Variants in GPR141 observed in about 807,000 individuals in gnomAD.
The protein encoded by GPR141 is probable G protein-coupled receptor 141.
GPR141 carries 6 observed loss-of-function variants against 6.8 expected under a neutral mutation model. That is an observed-to-expected ratio of 0.88 (90% CI 0.48 to 1.74). The LOEUF is 1.74. Ranked by LOEUF, GPR141 falls within the 40% of genes most tolerant of loss-of-function variation. GPR141 has a pLI of 0.01. For synonymous variants in GPR141, 140 were observed against 142.3 expected, an observed-to-expected ratio of 0.98 and a Z score of 0.11; for missense variants, 372 against 372.9, an observed-to-expected ratio of 1.00 and a Z score of 0.02.
intron 2 of GPR141, among the ~76,000 whole-genome samples, chr7:37,697,622 A>G (rs1810084080): frequency 6.6e-6 from 1 of 152,204 alleles, no homozygotes; most frequent in African/African-American, 2.4e-5. Flanking sequence ...TGGCGAGATC[A>G]GAAGGTTGAC....
chr7:37,741,940 A>T lies in GPR141; in HGVS notation c.*629A>T, dbSNP rs1024314331. ...CAAGGGTTTCTAGATTTGTCCTGTG[A>T]AAGGTCGTTTAAGGACTTGGGGATC... On this transcript the variant is annotated 3_prime_UTR_variant, in exon 3 of 3. Transcript: ENST00000334425. 6.6e-6 allele frequency among the ~76,000 whole-genome samples: 1 copy of T among 152,178 alleles called. No individual in the cohort carries two copies. The highest frequency in any genetic ancestry group is 1.5e-5 in the Non-Finnish European group (1 of 68,018).
chr7:37,722,415 G>T (rs950974786), intron 2 of GPR141, among the ~76,000 whole-genome samples: 6 of 126,990 alleles, frequency 4.7e-5, no homozygotes, highest in African/African-American at 1.6e-4. Context: ...CTATAGTAAG[G>T]TTCCCTCTCT....
In GPR141 at chr7:37,720,764, T is replaced by C. The variant is rs1811288672; in HGVS notation, c.-14-19616T>C. 2.0e-5 allele frequency among the ~76,000 whole-genome samples: 3 copies of C among 151,684 alleles called. No individual in the cohort carries two copies. The East Asian group carries it at 5.8e-4, about 29-fold the overall frequency. On this transcript the variant is annotated intron_variant, in intron 2 of 2. Coordinates refer to ENST00000334425, the MANE Select transcript of GPR141 (RefSeq NM_001381946.1). ...AAAAAAAAAAAAAAAAAAGAGAAAT[T>C]AAGAAAAGGGTTCAGAACCCTCTCT...
In GPR141 at chr7:37,715,100, G is replaced by GTTTT. The variant is rs937818801; in HGVS notation, c.-14-25277_-14-25274dup. ...ATTGATATATGTTAGTGGTTTTAAA[G>GTTTT]TTTTTTATTTATTATTTATCTTATT... On this transcript the variant is annotated intron_variant, in intron 2 of 2. Coordinates refer to ENST00000334425, the MANE Select transcript of GPR141 (RefSeq NM_001381946.1). Among the ~76,000 whole-genome samples the GTTTT allele has an allele frequency of 2.5e-4, 38 of 152,020 alleles. 1 individual carries two copies. Among genetic ancestry groups the GTTTT allele is most frequent in the African/African-American group, 7.5e-4 (31 of 41,408 alleles).
intron 1 of GPR141, among the ~76,000 whole-genome samples, chr7:37,684,911 A>G (rs1056106606): frequency 9.2e-5 from 14 of 152,244 alleles, no homozygotes; most frequent in African/African-American, 2.7e-4. Flanking sequence ...TGTGAATTCT[A>G]GTCCTCTGTT....
At chr7:37,697,947 G>A (rs1218769845) in intron 2 of GPR141, among the ~76,000 whole-genome samples, 1 of 152,198 alleles carries the variant, frequency 6.6e-6, no homozygotes, top group East Asian at 1.9e-4. Flanking sequence ...TTAAGAGAAG[G>A]AGGAATAGAG....
intron 2 of GPR141, 130 bp from the exon 3 acceptor site, chr7:37,740,250 A>G: frequency 1.5e-6 from 1 of 660,564 alleles, no homozygotes; most frequent in Admixed American, 2.5e-5. Flanking sequence ...AATAATCTTC[A>G]TTCTTAAAGC....
intron 2 of GPR141, among the ~76,000 whole-genome samples, chr7:37,716,731 T>C (rs1811068856): frequency 6.6e-6 from 1 of 152,260 alleles, no homozygotes; most frequent in Non-Finnish European, 1.5e-5. Flanking sequence ...AACCAGTGTA[T>C]TGCAAAGTAT....
At chr7:37,684,297 C>T (rs1342132609) in intron 1 of GPR141, among the ~76,000 whole-genome samples, 1 of 152,120 alleles carries the variant, frequency 6.6e-6, no homozygotes, top group Non-Finnish European at 1.5e-5. Flanking sequence ...AACTCTATTA[C>T]TGCATTATTT....
chr7:37,733,400 G>A (rs1812070042), intron 2 of GPR141, among the ~76,000 whole-genome samples: 1 of 152,090 alleles, frequency 6.6e-6, no homozygotes. Flanking sequence ...AGCCAGGCAG[G>A]GTGGCTCACG....
intron 2 of GPR141, among the ~76,000 whole-genome samples, chr7:37,700,100 G>C (rs1038889889): frequency 6.6e-6 from 1 of 152,200 alleles, no homozygotes; most frequent in Non-Finnish European, 1.5e-5. Context: ...TAGAGCTGGT[G>C]CTGAAACTCA....
intron 2 of GPR141, among the ~76,000 whole-genome samples, chr7:37,727,513 T>C (rs1811693217): frequency 6.6e-6 from 1 of 152,216 alleles, no homozygotes. Flanking sequence ...TTTTTTCCAC[T>C]TTGCCCTCTT....
chr7:37,722,994 CT>C (rs111534766), intron 2 of GPR141, among the ~76,000 whole-genome samples: 57 of 96,524 alleles, frequency 5.9e-4, no homozygotes, highest in African/African-American at 7.6e-4. Context: ...TTCTTTCTTT[CT>C]TTTTTTTTTT....
At chr7:37,693,221 G>C (rs147638725) in intron 2 of GPR141, among the ~76,000 whole-genome samples, 2,720 of 152,224 alleles carry the variant, frequency 0.018, 150 homozygotes, top group Admixed American at 0.1. Context: ...TTCTGCATAT[G>C]GCTAGCCAGT....
rs762385575 is a variant in GPR141, at chr7:37,740,735, C to A, written c.342C>A (p.Tyr114Ter). 6.2e-7 allele frequency: 1 copy of A among 1,613,860 alleles called. No individual in the cohort carries two copies. The highest frequency in any genetic ancestry group is 1.7e-5 in the Admixed American group (1 of 60,012). The stretch of plus-strand genomic sequence containing the variant: ...ATGTGGTGATCCTGGTCACCAGATA[C>A]CTCATCTTCTTCAAGTGCAAAGACA... Reference protein sequence around the residue: ...LFYVVILVTRYLIFFKCKDKV... With the variant: ...LFYVVILVTR Residue 114 changes from tyrosine to a stop codon, truncating the protein, a stop_gained, in exon 3 of 3, where the codon TAC becomes TAA. Coordinates refer to ENST00000334425, the MANE Select transcript of GPR141 (RefSeq NM_001381946.1). LOFTEE classifies it low-confidence loss of function (END_TRUNC).
intron 2 of GPR141, among the ~76,000 whole-genome samples, chr7:37,712,179 G>A (rs552270724): frequency 5.9e-5 from 9 of 152,176 alleles, no homozygotes; most frequent in African/African-American, 2.2e-4. Context: ...TCCCAAGGGG[G>A]AGAGTGGGTG....
chr7:37,713,333 T>C (rs763789497), intron 2 of GPR141: 4 of 152,176 alleles, frequency 2.6e-5, no homozygotes, highest in Non-Finnish European at 5.9e-5. Context: ...TTATTTTTTA[T>C]TTTCTTAGAG....
chr7:37,698,525 C>T (rs1200835725), intron 2 of GPR141, among the ~76,000 whole-genome samples: 1 of 152,050 alleles, frequency 6.6e-6, no homozygotes, highest in African/African-American at 2.4e-5. Context: ...TAGAAACAGT[C>T]TGTGGAAGGA....
At chr7:37,696,841 C>T (rs1217500080) in intron 2 of GPR141, among the ~76,000 whole-genome samples, 2 of 152,006 alleles carry the variant, frequency 1.3e-5, no homozygotes, top group African/African-American at 2.4e-5. Context: ...CTCTCCTCTC[C>T]CCAGTCACCC....
Sources: allele counts gnomAD v4.1 joint callset (sites outside exome capture counted in the v4.1 genomes callset), GRCh38; gene constraint gnomAD v4.1.1; transcripts MANE v1.5; gene names NCBI Gene and HGNC (gene_info 2026-07-23, HGNC 2026-07-21).